Variants in CNGB3 observed in about 807,000 individuals in gnomAD.
CNGB3 encodes the protein cyclic nucleotide gated channel subunit beta 3.
CNGB3 carries 86 observed loss-of-function variants against 92.8 expected under a neutral mutation model. The ratio of observed to expected loss-of-function variants is 0.93; its 90% CI spans 0.78 to 1.11. CNGB3 has a LOEUF of 1.11. CNGB3 is among the 50% of genes least tolerant of loss of function. CNGB3 has a pLI of 0.00. For synonymous variants in CNGB3, 333 were observed against 332.7 expected (o/e 1.00, Z -0.01); for missense variants, 1,026 against 956.8 (o/e 1.07, Z -0.95).
intron 14 of CNGB3, among the ~76,000 whole-genome samples, chr8:86,608,689 A>T (rs749544980): frequency 6.6e-6 from 1 of 152,200 alleles, no homozygotes; most frequent in Non-Finnish European, 1.5e-5. Context: ...AAAGTCTCTG[A>T]TATGCAGAAA....
intron 15 of CNGB3, among the ~76,000 whole-genome samples, chr8:86,580,593 A>G (rs1821745131): frequency 6.6e-6 from 1 of 152,208 alleles, no homozygotes; most frequent in Admixed American, 6.5e-5. Flanking sequence ...ATGCCAGGGA[A>G]TTGTGGGCTT....
intron 15 of CNGB3, among the ~76,000 whole-genome samples, chr8:86,601,240 A>G (rs1279818364): frequency 1.3e-5 from 2 of 152,200 alleles, no homozygotes; most frequent in Non-Finnish European, 2.9e-5. Context: ...TTTTAACAGA[A>G]ACAGAATGCA....
intron 3 of CNGB3, among the ~76,000 whole-genome samples, chr8:86,723,887 G>A (rs189654931): frequency 2.6e-5 from 4 of 152,314 alleles, no homozygotes; most frequent in African/African-American, 4.8e-5. Flanking sequence ...CAGCAACACA[G>A]ATGGAGCTTG....
intron 3 of CNGB3, among the ~76,000 whole-genome samples, chr8:86,680,553 C>T (rs1824063139): frequency 1.3e-5 from 2 of 152,024 alleles, no homozygotes; most frequent in Non-Finnish European, 2.9e-5. Context: ...TTTGACCAAA[C>T]CTGCATTCAG....
rs913558837 is a variant in CNGB3 at position 86,679,741 on chromosome 8, G to A, written c.339-8643C>T. 1.3e-5 allele frequency among the ~76,000 whole-genome samples: 2 copies of A among 152,116 alleles called. 1 individual carries two copies. The highest frequency in any genetic ancestry group is 4.1e-4 in the South Asian group (2 of 4,826). On this transcript the variant is annotated intron_variant, in intron 3 of 17. Coordinates refer to ENST00000320005, the MANE Select transcript of CNGB3 (RefSeq NM_019098.5). Reference sequence around the variant, plus strand: ...GAGATTTGCCATGTTGGCCAGGCTGGTCTTGAACTCCTAACCTCAGGTGAT... The same window carrying A: ...GAGATTTGCCATGTTGGCCAGGCTGATCTTGAACTCCTAACCTCAGGTGAT...
At chr8:86,580,520 T>A (rs1401909064) in intron 15 of CNGB3, among the ~76,000 whole-genome samples, 1 of 152,154 alleles carries the variant, frequency 6.6e-6, no homozygotes, top group Non-Finnish European at 1.5e-5. Flanking sequence ...CAAAATCAAC[T>A]TGTTCCTCAG....
chr8:86,654,234 T>A (rs1318614433), intron 6 of CNGB3, among the ~76,000 whole-genome samples, 172 bp from the exon 7 acceptor site: 1 of 152,184 alleles, frequency 6.6e-6, no homozygotes, highest in Non-Finnish European at 1.5e-5. Flanking sequence ...GTTTTCTTCT[T>A]ACTATTGCCC....
chr8:86,700,187 G>T (rs1317435002), intron 3 of CNGB3, among the ~76,000 whole-genome samples: 1 of 152,086 alleles, frequency 6.6e-6, no homozygotes, highest in African/African-American at 2.4e-5. Flanking sequence ...GTTTAATTCA[G>T]TTAACTAATG....
intron 15 of CNGB3, among the ~76,000 whole-genome samples, chr8:86,588,097 G>A (rs1342230043): frequency 1.4e-5 from 2 of 139,778 alleles, no homozygotes; most frequent in African/African-American, 5.6e-5. Context: ...TCTCTTTGAA[G>A]CAATTGTGAA....
intron 17 of CNGB3, among the ~76,000 whole-genome samples, chr8:86,577,235 G>T (rs1403134582): frequency 6.6e-6 from 1 of 152,150 alleles, no homozygotes; most frequent in Non-Finnish European, 1.5e-5. Flanking sequence ...CTGAGTAATA[G>T]CTTTCTGCTC....
At chr8:86,636,722 C>T (rs1377469439) in intron 10 of CNGB3, among the ~76,000 whole-genome samples, 1 of 151,466 alleles carries the variant, frequency 6.6e-6, no homozygotes, top group African/African-American at 2.4e-5. Flanking sequence ...AAGCTTTGTA[C>T]TCCTTGACTT....
chr8:86,584,977 C>T (rs768917717), intron 15 of CNGB3, among the ~76,000 whole-genome samples: 1 of 152,086 alleles, frequency 6.6e-6, no homozygotes, highest in Non-Finnish European at 1.5e-5. Context: ...ATAATCCTAC[C>T]ATCTACTGTG....
intron 15 of CNGB3, among the ~76,000 whole-genome samples, chr8:86,585,458 C>G (rs1206189647): frequency 6.6e-6 from 1 of 152,114 alleles, no homozygotes; most frequent in Non-Finnish European, 1.5e-5. Flanking sequence ...TTGGAGCCCT[C>G]TGGAGTTGTG....
intron 3 of CNGB3, among the ~76,000 whole-genome samples, chr8:86,671,549 T>C (rs2131619510): frequency 6.6e-6 from 1 of 152,354 alleles, no homozygotes; most frequent in Non-Finnish European, 1.5e-5. Context: ...TAGGTGGGCC[T>C]GATCTAATCA....
intron 2 of CNGB3, among the ~76,000 whole-genome samples, chr8:86,736,533 T>C (rs1825253097): frequency 6.6e-6 from 1 of 152,156 alleles, no homozygotes; most frequent in South Asian, 2.1e-4. Flanking sequence ...GTTGTATTTT[T>C]CTGTGCAAAG....
chr8:86,717,164 T>TA (rs1824870788), intron 3 of CNGB3, among the ~76,000 whole-genome samples: 1 of 151,846 alleles, frequency 6.6e-6, no homozygotes, highest in Admixed American at 6.6e-5. Flanking sequence ...AAGAGGAAAA[T>TA]ACCACAATCC....
chr8:86,700,513 G>A (rs906504303), intron 3 of CNGB3, among the ~76,000 whole-genome samples: 25 of 152,238 alleles, frequency 1.6e-4, no homozygotes, highest in Admixed American at 7.2e-4. Flanking sequence ...TACAATTAAC[G>A]AGATTAAATT....
At chr8:86,597,025 G>A (rs915506890) in intron 15 of CNGB3, among the ~76,000 whole-genome samples, 4 of 151,904 alleles carry the variant, frequency 2.6e-5, no homozygotes, top group East Asian at 1.9e-4. Flanking sequence ...GGGGCCTGTC[G>A]GGGGTGGGGG....
At chr8:86,667,945 C>T in intron 5 of CNGB3, 74 bp downstream of exon 5, 1 of 1,503,828 alleles carries the variant, frequency 6.6e-7, no homozygotes, top group Non-Finnish European at 9.3e-7. Flanking sequence ...TAGAAGCTAT[C>T]TGTGACTTTG....
Sources: gnomAD v4.1 joint callset for allele counts (sites outside exome capture counted in the v4.1 genomes callset) on GRCh38, gnomAD v4.1.1 for gene constraint, MANE v1.5 for transcripts, NCBI Gene and HGNC (gene_info 2026-07-23, HGNC 2026-07-21) for gene names.